STK3: variants seen among roughly 807,000 people sequenced by gnomAD.
The protein encoded by STK3 is serine/threonine kinase 3.
In STK3, 41 loss-of-function variants were observed where a neutral mutation model predicts 58.0. The observed-to-expected ratio is 0.71, with a 90% CI of 0.55 to 0.92. The LOEUF (loss-of-function observed/expected upper bound fraction) is 0.92. Ranked by LOEUF, STK3 falls within the 40% of genes least tolerant of loss-of-function variation. The probability of loss-of-function intolerance (pLI) is 0.00; values close to 1 mark genes in which losing one functional copy is unlikely to be tolerated. For missense variants in STK3, 479 were observed against 602.7 expected, an observed-to-expected ratio of 0.79 and a Z score of 2.15; for synonymous variants, 170 against 191.0, an observed-to-expected ratio of 0.89 and a Z score of 0.91.
chr8:98,655,742 C>T (rs537539821), intron 6 of STK3, among the ~76,000 whole-genome samples: 2 of 151,952 alleles, frequency 1.3e-5, no homozygotes, highest in African/African-American at 2.4e-5. Flanking sequence ...AAAATGCTCA[C>T]CATCACTGGC....
intron 3 of STK3, among the ~76,000 whole-genome samples, chr8:98,433,682 G>A (rs1818385251): frequency 6.6e-6 from 1 of 152,158 alleles, no homozygotes; most frequent in African/African-American, 2.4e-5. Flanking sequence ...CCTCATTCTA[G>A]CCATGAGCCG....
At chr8:98,872,438 C>A (rs558473358) in intron 3 of STK3, among the ~76,000 whole-genome samples, 1 of 152,102 alleles carries the variant, frequency 6.6e-6, no homozygotes, top group African/African-American at 2.4e-5. Context: ...CTCTTTATAC[C>A]GCTGGTAGAA....
At chr8:98,848,073 G>A (rs1470085118) in intron 3 of STK3, among the ~76,000 whole-genome samples, 2 of 151,960 alleles carry the variant, frequency 1.3e-5, no homozygotes, top group Non-Finnish European at 2.9e-5. Context: ...TTTCCATGCC[G>A]CACAATTCAC....
chr8:98,501,378 T>C (rs368761378), intron 10 of STK3, among the ~76,000 whole-genome samples: 1 of 152,202 alleles, frequency 6.6e-6, no homozygotes, highest in Non-Finnish European at 1.5e-5. Context: ...GATAGTATTT[T>C]CTTTTGCTGT....
At chr8:98,654,387 G>C (rs550087669) in intron 6 of STK3, among the ~76,000 whole-genome samples, 3 of 152,168 alleles carry the variant, frequency 2.0e-5, no homozygotes, top group Admixed American at 1.3e-4. Context: ...ATACTGAATG[G>C]GCAAAAACTG....
At chr8:98,741,810 G>T (rs1249727192) in intron 4 of STK3, among the ~76,000 whole-genome samples, 1 of 152,050 alleles carries the variant, frequency 6.6e-6, no homozygotes, top group Non-Finnish European at 1.5e-5. Context: ...TTTTTTGAAA[G>T]GATCATCAAA....
At chr8:98,836,438 A>C (rs1202130070) in intron 3 of STK3, among the ~76,000 whole-genome samples, 1 of 152,226 alleles carries the variant, frequency 6.6e-6, no homozygotes, top group African/African-American at 2.4e-5. Context: ...ATCACCTCCC[A>C]AGTCCCCATC....
At chr8:98,878,518 C>G (rs1305109318) in intron 3 of STK3, among the ~76,000 whole-genome samples, 1 of 152,110 alleles carries the variant, frequency 6.6e-6, no homozygotes, top group Non-Finnish European at 1.5e-5. Context: ...CCAGCTCTGT[C>G]ATAACCATTT....
At position 98,931,235 on chromosome 8, in the gene STK3, C is replaced by A. The variant is rs114538824; in HGVS notation, c.-79+11143G>T. 6.5e-3 allele frequency among the ~76,000 whole-genome samples: 992 copies of A among 152,272 alleles called. 5 individuals are homozygous for A. Among genetic ancestry groups the A allele is most frequent in the African/African-American group, 0.023 (960 of 41,544 alleles). ...GGAAGGCCCCTGGGCAGTGTTTTGT[C>A]TGGAAACTTCCCCTTAATCTGGCAG... On this transcript the variant is annotated intron_variant, in intron 1 of 1. Coordinates refer to the STK3 transcript ENST00000519420.
the STK3 span, among the ~76,000 whole-genome samples, chr8:98,364,055 G>T: frequency 7.2e-5 from 11 of 152,166 alleles, no homozygotes; most frequent in Non-Finnish European, 1.2e-4. Context: ...AGAAATCTTA[G>T]TGAGTTGGTG....
downstream of STK3, among the ~76,000 whole-genome samples, chr8:98,371,137 A>T (rs1229531491): frequency 6.6e-6 from 1 of 152,200 alleles, no homozygotes; most frequent in Non-Finnish European, 1.5e-5. Context: ...TGCCTGCAGG[A>T]CAAGACTTGA....
intron 10 of STK3, among the ~76,000 whole-genome samples, chr8:98,467,186 G>A (rs906911304): frequency 6.6e-6 from 1 of 152,044 alleles, no homozygotes; most frequent in Non-Finnish European, 1.5e-5. Flanking sequence ...TCTGTGAATG[G>A]ATCTCTGGAA....
At chr8:98,817,278 AC>A (rs1465575953) in intron 1 of STK3, among the ~76,000 whole-genome samples, 1 of 151,998 alleles carries the variant, frequency 6.6e-6, no homozygotes, top group East Asian at 1.9e-4. Context: ...ATATGGTGAA[AC>A]CCCATCTCTA....
chr8:98,919,569 G>A (rs999609795), intron 1 of STK3, among the ~76,000 whole-genome samples: 5 of 152,214 alleles, frequency 3.3e-5, no homozygotes, highest in Admixed American at 6.5e-5. Flanking sequence ...TTACATGGGT[G>A]ATGTATCCAT....
chr8:98,722,996 G>T, intron 4 of STK3: 1 of 392,458 alleles, frequency 2.5e-6, no homozygotes, highest in South Asian at 2.0e-5. Context: ...AAAAAATTGT[G>T]GACACCATTG....
chr8:98,704,831 T>C (rs559563271), intron 6 of STK3, among the ~76,000 whole-genome samples: 8 of 152,130 alleles, frequency 5.3e-5, no homozygotes, highest in Non-Finnish European at 1.2e-4. Flanking sequence ...ATAGTAATAA[T>C]GGAAGTCCTA....
chr8:98,609,995 TATATC>T (rs1817068862), intron 6 of STK3, among the ~76,000 whole-genome samples: 1 of 150,716 alleles, frequency 6.6e-6, no homozygotes, highest in African/African-American at 2.4e-5. Flanking sequence ...ATAATTGACA[TATATC>T]AGATAAACTA....
chr8:98,791,344 T>C (rs950639757), intron 1 of STK3, among the ~76,000 whole-genome samples: 3 of 152,090 alleles, frequency 2.0e-5, no homozygotes, highest in Admixed American at 6.6e-5. Flanking sequence ...TGGAAACACA[T>C]CCCATGCTCA....
chr8:98,594,093 AG>A (rs1815587651), intron 7 of STK3, among the ~76,000 whole-genome samples: 1 of 152,160 alleles, frequency 6.6e-6, no homozygotes. Flanking sequence ...AGATTACTTG[AG>A]CCCAGGAGTT....
Sources: allele counts gnomAD v4.1 joint callset (sites outside exome capture counted in the v4.1 genomes callset), GRCh38; gene constraint gnomAD v4.1.1; transcripts MANE v1.5; gene names NCBI Gene and HGNC (gene_info 2026-07-23, HGNC 2026-07-21).